Variants in FGF12 observed in about 807,000 individuals in gnomAD.
The protein encoded by FGF12 is fibroblast growth factor 12.
In FGF12, 14 loss-of-function variants were observed where a neutral mutation model predicts 23.6. The observed-to-expected ratio is 0.59, with a 90% CI of 0.39 to 0.93. FGF12 has a LOEUF of 0.93. Ranked by LOEUF, FGF12 falls within the 40% of genes least tolerant of loss-of-function variation. The pLI is 0.00. For synonymous variants in FGF12, 62 were observed against 77.3 expected (o/e 0.80, Z 1.04); for missense variants, 175 against 217.8 (o/e 0.80, Z 1.24).
chr3:192,305,923 T>C (rs559252024), intron 4 of FGF12, among the ~76,000 whole-genome samples: 1 of 135,786 alleles, frequency 7.4e-6, no homozygotes, highest in Non-Finnish European at 1.5e-5. Context: ...TGCAGTGGCA[T>C]GATCTCAGCT....
At chr3:192,708,915 G>A (rs1425167992) in intron 2 of FGF12, among the ~76,000 whole-genome samples, 1 of 152,264 alleles carries the variant, frequency 6.6e-6, no homozygotes, top group East Asian at 1.9e-4. Flanking sequence ...ATAAAGAACT[G>A]ACAATTGAAC....
chr3:192,326,433 T>C (rs1716823436), intron 4 of FGF12, among the ~76,000 whole-genome samples: 2 of 152,298 alleles, frequency 1.3e-5, no homozygotes, highest in South Asian at 4.1e-4. Context: ...TAGTTACCAA[T>C]AGCGGCCCTT....
chr3:192,514,778 T>C lies in FGF12; in HGVS notation c.14-154240A>G, dbSNP rs1724607190. Reference sequence around the variant, plus strand: ...TTCATGGAGAAGCGCGTGTGTGGGGTTGGTCAACTCCCCGCCCACCTGCGC... The same window carrying C: ...TTCATGGAGAAGCGCGTGTGTGGGGCTGGTCAACTCCCCGCCCACCTGCGC... On this transcript the variant is annotated intron_variant, in intron 2 of 5. Coordinates refer to ENST00000445105, the MANE Select transcript of FGF12 (RefSeq NM_004113.6). The surrounding 1 kb of genome is among the most constrained non-coding windows in gnomAD (Gnocchi z 4.9). The C allele has an allele frequency of 3.0e-6, 3 of 984,978 alleles. No individual in the cohort carries two copies. Among genetic ancestry groups the C allele is most frequent in the Admixed American group, 6.2e-5 (1 of 16,248 alleles). The allele number at this position is 984,978 out of a possible 1,614,324, so 61.0% of individuals were successfully genotyped here. A position where few individuals can be genotyped will look rare whatever the true frequency, so the allele number is the denominator to read the frequency against.
At chr3:192,305,854 GTTTT>G (rs755560177) in intron 4 of FGF12, among the ~76,000 whole-genome samples, 1 of 77,444 alleles carries the variant, frequency 1.3e-5, no homozygotes, top group Non-Finnish European at 2.2e-5. Context: ...CATCTCTCTG[GTTTT>G]TTTTTTTTTT....
chr3:192,361,378 C>T (rs565032006), intron 2 of FGF12, among the ~76,000 whole-genome samples: 24 of 152,126 alleles, frequency 1.6e-4, no homozygotes, highest in African/African-American at 5.5e-4. Flanking sequence ...TAGTTTCCAC[C>T]GCATCACCAT....
intron 2 of FGF12, among the ~76,000 whole-genome samples, chr3:192,421,267 G>T (rs997943384): frequency 1.3e-5 from 2 of 152,088 alleles, no homozygotes; most frequent in African/African-American, 2.4e-5. Context: ...ATTGTTAAAA[G>T]AATAACTGAT....
chr3:192,680,454 TG>T (rs1717483883), intron 2 of FGF12, among the ~76,000 whole-genome samples: 1 of 151,912 alleles, frequency 6.6e-6, no homozygotes, highest in South Asian at 2.1e-4. Context: ...GAGGTGGTAG[TG>T]GGGGGAGGTT....
chr3:192,311,759 C>T (rs1715949966), intron 4 of FGF12, among the ~76,000 whole-genome samples: 1 of 152,210 alleles, frequency 6.6e-6, no homozygotes. Flanking sequence ...TTTACATTCT[C>T]ACTAGCAGTG....
chr3:192,720,399 G>A (rs778762656), intron 2 of FGF12, among the ~76,000 whole-genome samples: 9 of 152,152 alleles, frequency 5.9e-5, no homozygotes, highest in South Asian at 2.1e-4. Context: ...TAAATACCAC[G>A]GCCTCCCTGG....
At chr3:192,720,523 C>T (rs948891520) in intron 2 of FGF12, among the ~76,000 whole-genome samples, 4 of 152,154 alleles carry the variant, frequency 2.6e-5, no homozygotes, top group East Asian at 3.9e-4. Context: ...AAAATCCTAC[C>T]GTGCTCTGCA....
chr3:192,446,528 A>G (rs1229031667), intron 2 of FGF12, among the ~76,000 whole-genome samples: 2 of 152,240 alleles, frequency 1.3e-5, no homozygotes, highest in African/African-American at 4.8e-5. Context: ...CAAATTGGGC[A>G]ATTCACAGAT....
chr3:192,261,194 C>T (rs1416311434), intron 4 of FGF12, among the ~76,000 whole-genome samples: 2 of 152,124 alleles, frequency 1.3e-5, no homozygotes, highest in Non-Finnish European at 2.9e-5. Flanking sequence ...CATGAAAACA[C>T]TCATGAAAGG....
chr3:192,570,912 C>T (rs1211920684), intron 2 of FGF12, among the ~76,000 whole-genome samples: 1 of 152,100 alleles, frequency 6.6e-6, no homozygotes, highest in Non-Finnish European at 1.5e-5. Flanking sequence ...TTCTGGCATC[C>T]GTCCTAGCAA....
intron 2 of FGF12, among the ~76,000 whole-genome samples, chr3:192,605,913 G>A (rs1190315935): frequency 6.6e-6 from 1 of 152,200 alleles, no homozygotes; most frequent in Non-Finnish European, 1.5e-5. Context: ...CTTATAAACT[G>A]TTGGTGGGAA....
At chr3:192,709,652 ATT>A (rs1269866155) in intron 2 of FGF12, among the ~76,000 whole-genome samples, 1 of 152,196 alleles carries the variant, frequency 6.6e-6, no homozygotes, top group Non-Finnish European at 1.5e-5. Context: ...TTAAGACTCT[ATT>A]ATGGTGCTGG....
chr3:192,356,635 T>C (rs1028824573), intron 3 of FGF12, among the ~76,000 whole-genome samples: 1 of 152,214 alleles, frequency 6.6e-6, no homozygotes, highest in African/African-American at 2.4e-5. Context: ...CTTTTCTTCA[T>C]GAACAAAAGA....
At chr3:192,706,797 C>T (rs1229537805) in intron 2 of FGF12, among the ~76,000 whole-genome samples, 1 of 152,172 alleles carries the variant, frequency 6.6e-6, no homozygotes. Flanking sequence ...CATAAATCCA[C>T]AGCAATTTTT....
intron 2 of FGF12, among the ~76,000 whole-genome samples, chr3:192,648,248 C>A (rs559157670): frequency 6.6e-6 from 1 of 152,050 alleles, no homozygotes; most frequent in African/African-American, 2.4e-5. Context: ...TAAATAATGG[C>A]ATAAGATATA....
At chr3:192,639,035 A>G (rs1392157396) in intron 2 of FGF12, among the ~76,000 whole-genome samples, 1 of 152,222 alleles carries the variant, frequency 6.6e-6, no homozygotes, top group Non-Finnish European at 1.5e-5. Flanking sequence ...GGAAAAAAAT[A>G]TTTGCAAACC....
Sources: allele counts gnomAD v4.1 joint callset (sites outside exome capture counted in the v4.1 genomes callset), GRCh38; gene constraint gnomAD v4.1.1; non-coding constraint Gnocchi (gnomAD v3.1); transcripts MANE v1.5; gene names NCBI Gene and HGNC (gene_info 2026-07-23, HGNC 2026-07-21).